CCND3: variants seen among roughly 807,000 people sequenced by gnomAD.
The protein encoded by CCND3 is G1/S-specific cyclin-D3.
In CCND3, 9 loss-of-function variants were observed where a neutral mutation model predicts 28.7. That is an observed-to-expected ratio of 0.31 (90% CI 0.19 to 0.55). The LOEUF (loss-of-function observed/expected upper bound fraction) is 0.55. Ranked by LOEUF, CCND3 falls within the 20% of genes least tolerant of loss-of-function variation. CCND3 has a pLI of 0.93. For synonymous variants in CCND3, 164 were observed against 163.9 expected, an observed-to-expected ratio of 1.00 and a Z score of 0.00; for missense variants, 315 against 385.8, an observed-to-expected ratio of 0.82 and a Z score of 1.54.
intron 1 of CCND3, among the ~76,000 whole-genome samples, chr6:42,028,267 G>A (rs530020650): frequency 1.3e-5 from 2 of 152,320 alleles, no homozygotes; most frequent in Non-Finnish European, 1.5e-5. Flanking sequence ...GGAAGAGAGA[G>A]CTGGGGAGAG....
chr6:41,999,757 G>A (rs1407000039), intron 1 of CCND3, among the ~76,000 whole-genome samples: 2 of 152,042 alleles, frequency 1.3e-5, no homozygotes, highest in African/African-American at 2.4e-5. Flanking sequence ...CGGACATGGT[G>A]GTATGCACCT....
chr6:42,014,136 C>T (rs185007357), intron 1 of CCND3, among the ~76,000 whole-genome samples: 2 of 151,494 alleles, frequency 1.3e-5, no homozygotes, highest in Admixed American at 6.6e-5. Context: ...GAGGCCAAGG[C>T]GGGTGGATCA....
rs35776222 is a variant in CCND3, at chr6:41,989,454, C to CAAAAAA, written c.-45-48875_-45-48870dup. ...GGGCGACAAGAGTGAAACACTGTCT[C>CAAAAAA]AAAAAAAAAAAACAAAAAAAAAAAA... On this transcript the variant is annotated intron_variant, in intron 1 of 4. Coordinates refer to the CCND3 transcript ENST00000372988. Among the ~76,000 whole-genome samples, 17 of 21,700 alleles carry CAAAAAA rather than the reference C, an allele frequency of 7.8e-4. 3 individuals carry two copies. The highest frequency in any genetic ancestry group is 1.9e-3 in the East Asian group (1 of 534). 14.2% of individuals were successfully genotyped at this position (21,700 alleles called of 152,430 possible). A position where few individuals can be genotyped will look rare whatever the true frequency, so the allele number is the denominator to read the frequency against.
chr6:41,995,277 G>A lies in CCND3; in HGVS notation c.-46+53224C>T, dbSNP rs191662194. ...AGGTTTTTCTTTTTTGTGGGGGGTG[G>A]GGTGCAGTCTTGCTCTGTCGCCCAG... On this transcript the variant is annotated intron_variant, in intron 1 of 4. Transcript: ENST00000372988. Among the ~76,000 whole-genome samples the A allele has an allele frequency of 1.9e-4, 29 of 151,842 alleles. No individual in the cohort carries two copies. In the East Asian group the frequency reaches 5.4e-3, roughly 28 times the overall value.
chr6:41,981,819 C>A (rs1269679649), intron 1 of CCND3, among the ~76,000 whole-genome samples: 1 of 151,868 alleles, frequency 6.6e-6, no homozygotes, highest in Non-Finnish European at 1.5e-5. Flanking sequence ...CCACTGTGCC[C>A]AGCCAAGGAT....
At chr6:41,973,317 A>G (rs1231041549) in intron 1 of CCND3, among the ~76,000 whole-genome samples, 1 of 152,218 alleles carries the variant, frequency 6.6e-6, no homozygotes, top group Admixed American at 6.5e-5. Flanking sequence ...CCTTTAAAAT[A>G]AACAAACTGA....
chr6:41,976,314 T>C (rs1304699874), intron 1 of CCND3, among the ~76,000 whole-genome samples: 1 of 151,534 alleles, frequency 6.6e-6, no homozygotes, highest in Non-Finnish European at 1.5e-5. Flanking sequence ...ATCTCACCAC[T>C]GCACTCCAGC....
At chr6:42,016,681 G>A (rs1763527524) in intron 1 of CCND3, among the ~76,000 whole-genome samples, 2 of 150,380 alleles carry the variant, frequency 1.3e-5, no homozygotes, top group South Asian at 4.2e-4. Flanking sequence ...CAGCTCCCAG[G>A]TTCAAGCAAT....
At chr6:42,027,395 G>A (rs1424865522) in intron 1 of CCND3, among the ~76,000 whole-genome samples, 7 of 150,960 alleles carry the variant, frequency 4.6e-5, no homozygotes, top group Admixed American at 6.6e-5. Context: ...AGCCGAGATC[G>A]CGCCACTGCA....
chr6:42,047,576 C>T (rs11754493), intron 1 of CCND3, among the ~76,000 whole-genome samples: 5 of 151,916 alleles, frequency 3.3e-5, no homozygotes, highest in African/African-American at 1.2e-4. Context: ...CCAGGTGGAC[C>T]CTCCCAGCTG....
intron 1 of CCND3, among the ~76,000 whole-genome samples, chr6:41,979,660 T>C (rs1381170764): frequency 8.0e-4 from 1 of 1,256 alleles, no homozygotes; most frequent in Non-Finnish European, 3.4e-3. Flanking sequence ...TATATATGTA[T>C]ATATATATAT....
chr6:41,941,424 G>C lies in CCND3; in HGVS notation c.198+28C>G, dbSNP rs756643151. 6.2e-7 allele frequency: 1 copy of C among 1,605,072 alleles called. No homozygotes were observed. The highest frequency in any genetic ancestry group is 8.5e-7 in the Non-Finnish European group (1 of 1,177,550). ...CGGTGTGTCCAGACCCGGGAGCGGT[G>C]GGGGAGGGGGACGCGTCCGGGCGGT... On this transcript the variant is annotated intron_variant, in intron 1 of 4. Transcript: ENST00000372991. The surrounding 1 kb of genome is among the most constrained non-coding windows in gnomAD (Gnocchi z 6.1).
At chr6:41,956,162 G>A (rs188664704) in intron 1 of CCND3, among the ~76,000 whole-genome samples, 75 of 152,078 alleles carry the variant, frequency 4.9e-4, no homozygotes, top group African/African-American at 1.7e-3. Flanking sequence ...TGTGGTGGTG[G>A]GCCCCTGTAA....
chr6:41,997,958 T>G, intron 1 of CCND3, among the ~76,000 whole-genome samples: 1 of 142,448 alleles, frequency 7.0e-6, no homozygotes, highest in Non-Finnish European at 1.5e-5. Context: ...CTGGCCAACA[T>G]GGCAAAACCC....
intron 1 of CCND3, among the ~76,000 whole-genome samples, chr6:41,988,701 T>TTTTC (rs1554163800): frequency 1.3e-4 from 18 of 139,370 alleles, no homozygotes; most frequent in Non-Finnish European, 6.2e-5. Flanking sequence ...CTTCTTTTCT[T>TTTTC]TTTTTTTTTT....
chr6:41,999,870 GA>G (rs1488829453), intron 1 of CCND3, among the ~76,000 whole-genome samples: 1 of 152,148 alleles, frequency 6.6e-6, no homozygotes, highest in Non-Finnish European at 1.5e-5. Flanking sequence ...CAGCCTGGGA[GA>G]CAGAATGAGA....
intron 1 of CCND3, among the ~76,000 whole-genome samples, chr6:41,960,182 G>A (rs1339739425): frequency 1.3e-5 from 2 of 152,114 alleles, no homozygotes; most frequent in Non-Finnish European, 2.9e-5. Flanking sequence ...ATCCAGAACA[G>A]GCAAATCTAT....
At chr6:41,958,232 A>G (rs983176591) in intron 1 of CCND3, among the ~76,000 whole-genome samples, 7 of 151,994 alleles carry the variant, frequency 4.6e-5, no homozygotes, top group Non-Finnish European at 1.0e-4. Context: ...CCTGACTCCA[A>G]GTGATTCGCC....
At chr6:42,020,098 G>A (rs1763654747) in intron 1 of CCND3, among the ~76,000 whole-genome samples, 1 of 152,110 alleles carries the variant, frequency 6.6e-6, no homozygotes, top group South Asian at 2.1e-4. Flanking sequence ...CTAACAAGGT[G>A]AAATCCCGTC....
Sources: allele counts gnomAD v4.1 joint callset (sites outside exome capture counted in the v4.1 genomes callset), GRCh38; gene constraint gnomAD v4.1.1; non-coding constraint Gnocchi (gnomAD v3.1); transcripts MANE v1.5; gene names NCBI Gene and HGNC (gene_info 2026-07-23, HGNC 2026-07-21).